Variants in RSRC2 observed in about 807,000 individuals in gnomAD.
The protein encoded by RSRC2 is arginine and serine rich coiled-coil 2, also known as arginine/serine-rich coiled-coil protein 2.
RSRC2 carries 5 observed loss-of-function variants against 61.3 expected under a neutral mutation model. That is an observed-to-expected ratio of 0.08 (90% CI 0.04 to 0.17). The LOEUF (loss-of-function observed/expected upper bound fraction) is 0.17. Among genes scored for constraint, RSRC2 ranks in the 10% least tolerant of loss-of-function variants. The probability of loss-of-function intolerance (pLI) is 1.00; values close to 1 mark genes in which losing one functional copy is unlikely to be tolerated. For synonymous variants in RSRC2, 202 were observed against 166.5 expected, an observed-to-expected ratio of 1.21 and a Z score of -1.64; for missense variants, 381 against 518.8, an observed-to-expected ratio of 0.73 and a Z score of 2.58.
At position 122,505,441 on chromosome 12, in the gene RSRC2, G is replaced by A; in HGVS notation, c.*86C>T. 7.8e-7 allele frequency: 1 copy of A among 1,279,162 alleles called. No homozygotes were observed. The highest frequency in any genetic ancestry group is 2.3e-5 in the East Asian group (1 of 42,916). The allele number at this position is 1,279,162 out of a possible 1,614,324, so 79.2% of individuals were successfully genotyped here. ...TAAAGTCAATGCAACACCCATGCAA[G>A]CTAGAGTGCTAGCTGTTTGGTGAAC... On this transcript the variant is annotated 3_prime_UTR_variant, in exon 10 of 10. Transcript: ENST00000331738.
At chr12:122,512,957 C>T (rs1013706555) in intron 6 of RSRC2, among the ~76,000 whole-genome samples, 2 of 152,020 alleles carry the variant, frequency 1.3e-5, no homozygotes, top group South Asian at 2.1e-4. Context: ...CTTTGGGAGG[C>T]CAAGGTGGGA....
At chr12:122,516,987 G>A (rs1958980237) in intron 5 of RSRC2, among the ~76,000 whole-genome samples, 1 of 152,166 alleles carries the variant, frequency 6.6e-6, no homozygotes, top group South Asian at 2.1e-4. Context: ...GCCAACAACT[G>A]CATTTTAATA....
chr12:122,504,478 A>T lies in RSRC2; in HGVS notation c.*1049T>A, dbSNP rs1958008440. 1.3e-5 allele frequency: 2 copies of T among 152,172 alleles called. No homozygotes were observed. The allele number at this position is 152,172 out of a possible 1,614,324, so 9.4% of individuals were successfully genotyped here. ...CCCCACCTCTACTAAAAATACAAAA[A>T]TTAGCTGGGTGCGGTGGTACGCCTG... is the stretch of plus-strand genomic sequence containing the variant. On this transcript the variant is annotated 3_prime_UTR_variant, in exon 10 of 10. Transcript: ENST00000331738.
intron 3 of RSRC2, chr12:122,519,579 T>G (rs139763540): frequency 6.5e-6 from 1 of 154,164 alleles, no homozygotes; most frequent in East Asian, 1.9e-4. Flanking sequence ...GCTCTTGATT[T>G]TCCTCCCAAT....
intron 3 of RSRC2, chr12:122,520,679 A>G (rs1959185337): frequency 1.2e-5 from 10 of 805,480 alleles, no homozygotes; most frequent in Non-Finnish European, 1.9e-5. Context: ...CAGAGCTTCC[A>G]TTACGGGAAG....
At position 122,521,412 on chromosome 12, in the gene RSRC2, T is replaced by A. The variant is rs370403616; in HGVS notation, c.180A>T (p.Lys60Asn). The A allele has an allele frequency of 1.9e-6, 3 of 1,612,564 alleles. No individual in the cohort carries two copies. The highest frequency in any genetic ancestry group is 1.3e-5 in the African/African-American group (1 of 74,888). Reference sequence around the variant, plus strand: ...CTTTGCTTCTGCTCCGGCTCCTGTGTTTTCTTCCTTCATTATCTGTGAATA... The same window carrying A: ...CTTTGCTTCTGCTCCGGCTCCTGTGATTTCTTCCTTCATTATCTGTGAATA... ...RKRKSDNEGR[K>N]HRSRSRSKEG... Residue 60 changes from lysine (K) to asparagine (N), a missense_variant, in exon 3 of 10, where the codon AAA becomes AAT. Coordinates refer to ENST00000331738, the MANE Select transcript of RSRC2 (RefSeq NM_023012.6).
chr12:122,507,347 A>G (rs1467991638), intron 8 of RSRC2: 2 of 174,592 alleles, frequency 1.1e-5, no homozygotes, highest in Non-Finnish European at 2.5e-5. Flanking sequence ...ACACCACTGC[A>G]TTCCAGCCTG....
chr12:122,520,641 C>CA, intron 3 of RSRC2: 1 of 1,162,520 alleles, frequency 8.6e-7, no homozygotes, highest in Non-Finnish European at 1.2e-6. Flanking sequence ...GTCATTTTCA[C>CA]AAAAACTCTC....
In RSRC2 at chr12:122,518,942, T is replaced by C; in HGVS notation, c.295A>G (p.Arg99Gly). Residue 99 changes from arginine to glycine, a missense_variant, in exon 4 of 10, where the codon AGA becomes GGA. Transcript: ENST00000331738. ...TTTTCAGATGAATTTAGTCGCTCTCTTCCTTTATCAGAAGAATGTTCTTTG... is the reference window on the plus strand; with the variant it reads ...TTTTCAGATGAATTTAGTCGCTCTCCTCCTTTATCAGAAGAATGTTCTTTG... The part of the protein sequence containing the change: ...NDKEHSSDKG[R>G]ERLNSSENGE... 1.2e-6 allele frequency: 2 copies of C among 1,614,056 alleles called. No homozygotes were observed. The highest frequency in any genetic ancestry group is 1.7e-6 in the Non-Finnish European group (2 of 1,179,922).
At chr12:122,511,896 T>A (rs562459228) in intron 6 of RSRC2, among the ~76,000 whole-genome samples, 63 of 152,262 alleles carry the variant, frequency 4.1e-4, no homozygotes, top group Admixed American at 3.9e-3. Context: ...AACCTCCGCC[T>A]CCTGGGTTCA....
intron 1 of RSRC2, among the ~76,000 whole-genome samples, chr12:122,525,523 G>A (rs1054021267): frequency 2.6e-5 from 4 of 152,248 alleles, no homozygotes; most frequent in Admixed American, 1.3e-4. Flanking sequence ...GGGGGAAAAA[G>A]AAAATCATCT....
In RSRC2 at chr12:122,503,979, G is replaced by A. The variant is rs1333787435; in HGVS notation, c.*1548C>T. 2 of 152,070 alleles carry A rather than the reference G, an allele frequency of 1.3e-5. No homozygotes were observed. Among genetic ancestry groups the A allele is most frequent in the Non-Finnish European group, 2.9e-5 (2 of 68,068 alleles). 9.4% of individuals were successfully genotyped at this position (152,070 alleles called of 1,614,324 possible). On this transcript the variant is annotated 3_prime_UTR_variant, in exon 10 of 10. Coordinates refer to ENST00000331738, the MANE Select transcript of RSRC2 (RefSeq NM_023012.6). The stretch of plus-strand genomic sequence containing the variant: ...CACCTGTGGTCCCAGGTACTCAAGA[G>A]GCTGAGGTGGGAGGACTGCTTGAGC...
intron 6 of RSRC2, 136 bp downstream of exon 6, chr12:122,514,969 G>A (rs1958800796): frequency 1.0e-6 from 1 of 972,676 alleles, no homozygotes; most frequent in South Asian, 1.6e-5. Context: ...TATTTACATA[G>A]TTCTAGATCA....
intron 4 of RSRC2, among the ~76,000 whole-genome samples, chr12:122,517,868 C>T (rs535962578): frequency 8.5e-4 from 130 of 152,128 alleles, no homozygotes; most frequent in Non-Finnish European, 1.5e-3. Context: ...ATCTATACTC[C>T]AACATTAAAA....
intron 5 of RSRC2, 81 bp downstream of exon 5, chr12:122,517,146 T>G: frequency 6.3e-7 from 1 of 1,588,368 alleles, no homozygotes; most frequent in Non-Finnish European, 8.6e-7. Context: ...TGACTCACAA[T>G]TTTAATACTC....
intron 1 of RSRC2, among the ~76,000 whole-genome samples, chr12:122,522,620 A>C (rs1222430650): frequency 6.6e-6 from 1 of 152,232 alleles, no homozygotes. Flanking sequence ...ATTCAAGCAG[A>C]GAAAATAGTC....
intron 3 of RSRC2, 39 bp from the exon 4 acceptor site, chr12:122,519,068 G>A (rs750296846): frequency 1.9e-6 from 3 of 1,562,986 alleles, no homozygotes; most frequent in African/African-American, 1.4e-5. Context: ...GGAAAATAGT[G>A]CAACAAAGAG....
intron 6 of RSRC2, among the ~76,000 whole-genome samples, chr12:122,512,946 A>C (rs1314069936): frequency 6.6e-6 from 1 of 152,112 alleles, no homozygotes; most frequent in Non-Finnish European, 1.5e-5. Context: ...TAATCCTAGC[A>C]CTTTGGGAGG....
At chr12:122,519,137 G>GC in intron 3 of RSRC2, 108 bp from the exon 4 acceptor site, 1 of 796,272 alleles carries the variant, frequency 1.3e-6, no homozygotes, top group Non-Finnish European at 2.0e-6. Flanking sequence ...AACCTTAGGA[G>GC]TGTGTGGCAA....
Sources: gnomAD v4.1 joint callset for allele counts (sites outside exome capture counted in the v4.1 genomes callset) on GRCh38, gnomAD v4.1.1 for gene constraint, MANE v1.5 for transcripts, NCBI Gene and HGNC (gene_info 2026-07-23, HGNC 2026-07-21) for gene names.